Variants in CAB39 observed in about 807,000 individuals in gnomAD.
CAB39 encodes the protein calcium binding protein 39, also known as calcium-binding protein 39.
Under a neutral mutation model 40.0 loss-of-function variants are expected in CAB39, and 8 were observed. The observed-to-expected ratio is 0.20, with a 90% CI of 0.12 to 0.36. The LOEUF (loss-of-function observed/expected upper bound fraction) is 0.36. Among genes scored for constraint, CAB39 ranks in the 10% least tolerant of loss-of-function variants. The pLI, the probability that CAB39 is intolerant of heterozygous loss-of-function variation, is 1.00. For synonymous variants in CAB39, 156 were observed against 141.6 expected (o/e 1.10, Z -0.72); for missense variants, 270 against 401.1 (o/e 0.67, Z 2.79).
rs989950774 is a variant in CAB39 at position 230,819,921 on chromosome 2, T to C, written c.*1217T>C. On this transcript the variant is annotated 3_prime_UTR_variant, in exon 9 of 9. Coordinates refer to ENST00000258418, the MANE Select transcript of CAB39 (RefSeq NM_016289.4). ...TAGACTAAGTAACCCAGTACAATAG[T>C]TGTGAACTGAATAATTAAAACTTTG... The C allele has an allele frequency of 4.6e-5, 7 of 152,648 alleles. No individual in the cohort carries two copies. The highest frequency in any genetic ancestry group is 8.8e-5 in the Non-Finnish European group (6 of 68,034). The allele number at this position is 152,648 out of a possible 1,614,324, so 9.5% of individuals were successfully genotyped here. A position where few individuals can be genotyped will look rare whatever the true frequency, so the allele number is the denominator to read the frequency against.
At chr2:230,813,698 A>G (rs3792064) in intron 6 of CAB39, among the ~76,000 whole-genome samples, 21,929 of 151,912 alleles carry the variant, frequency 0.14, 2,329 homozygotes, top group African/African-American at 0.31. Flanking sequence ...TCAACAAGCA[A>G]AAGTGTGAGG....
chr2:230,754,847 T>C (rs955661836), intron 1 of CAB39, among the ~76,000 whole-genome samples: 1 of 152,126 alleles, frequency 6.6e-6, no homozygotes, highest in African/African-American at 2.4e-5. Flanking sequence ...GCTCGCCCGC[T>C]TCCCCACAAG....
At chr2:230,716,565 T>TA (rs1694353676) in intron 1 of CAB39, among the ~76,000 whole-genome samples, 2 of 152,324 alleles carry the variant, frequency 1.3e-5, no homozygotes, top group Non-Finnish European at 2.9e-5. Flanking sequence ...TTTTTTAATT[T>TA]AAAAAATGTT....
At chr2:230,730,434 A>G (rs900667273) in intron 1 of CAB39, among the ~76,000 whole-genome samples, 3 of 138,760 alleles carry the variant, frequency 2.2e-5, no homozygotes, top group African/African-American at 8.5e-5. Flanking sequence ...ATACATTAGA[A>G]GAAAACTTTT....
intron 1 of CAB39, among the ~76,000 whole-genome samples, chr2:230,720,492 A>G (rs780781908): frequency 4.6e-5 from 7 of 152,076 alleles, no homozygotes; most frequent in South Asian, 4.2e-4. Flanking sequence ...CTGGAGTGCA[A>G]TGGCGTGATC....
chr2:230,729,923 A>G (rs1694657306), intron 1 of CAB39, among the ~76,000 whole-genome samples: 1 of 152,268 alleles, frequency 6.6e-6, no homozygotes, highest in Non-Finnish European at 1.5e-5. Flanking sequence ...AAAACTATAA[A>G]TTTAAGTGAA....
chr2:230,777,352 TG>T (rs1255945881), intron 2 of CAB39, among the ~76,000 whole-genome samples: 1 of 149,434 alleles, frequency 6.7e-6, no homozygotes, highest in Non-Finnish European at 1.5e-5. Flanking sequence ...AACCTGTTGG[TG>T]TTTTTTTTGT....
At chr2:230,803,742 G>T (rs1210210481) in intron 5 of CAB39, among the ~76,000 whole-genome samples, 5 of 152,186 alleles carry the variant, frequency 3.3e-5, no homozygotes, top group African/African-American at 1.2e-4. Flanking sequence ...ACTGCTCAAC[G>T]AAATAGAAGA....
chr2:230,765,725 ACTAG>A (rs1695374302), intron 2 of CAB39, among the ~76,000 whole-genome samples: 1 of 152,118 alleles, frequency 6.6e-6, no homozygotes, highest in Non-Finnish European at 1.5e-5. Context: ...AGGTTGTAAC[ACTAG>A]GGGAATACTA....
intron 1 of CAB39, among the ~76,000 whole-genome samples, chr2:230,741,545 T>G (rs2124890225): frequency 6.6e-6 from 1 of 152,314 alleles, no homozygotes; most frequent in East Asian, 1.9e-4. Context: ...TCACTTTTTT[T>G]GCCTAGGCTG....
chr2:230,776,679 C>T (rs989804643), intron 2 of CAB39, among the ~76,000 whole-genome samples: 1 of 140,304 alleles, frequency 7.1e-6, no homozygotes, highest in African/African-American at 2.8e-5. Flanking sequence ...TGCTCTGTCT[C>T]ACTTCATCCA....
Position 230,731,212 on chromosome 2 carries a change from G to A in CAB39, c.-44+17982G>A, listed in dbSNP as rs530219405. 4.6e-5 allele frequency among the ~76,000 whole-genome samples: 7 copies of A among 152,268 alleles called. No individual in the cohort carries two copies. The East Asian group carries it at 9.6e-4, about 21-fold the overall frequency. On this transcript the variant is annotated intron_variant, in intron 1 of 8. Coordinates refer to ENST00000258418, the MANE Select transcript of CAB39 (RefSeq NM_016289.4). ...TAAAGTAAATGTAAATAAAACAATG[G>A]GGGGTGCTATTAGAGATTTTAACAA...
chr2:230,798,843 A>T lies in CAB39; in HGVS notation c.513A>T (p.Arg171Ser), dbSNP rs1487940100. 14 of 1,609,826 alleles carry T rather than the reference A, an allele frequency of 8.7e-6. 1 individual carries two copies. The highest frequency in any genetic ancestry group is 8.5e-7 in the Non-Finnish European group (1 of 1,177,306). Residue 171 changes from arginine to serine, a missense_variant, in exon 5 of 9, where the codon AGA (arginine) becomes AGT (serine). Arg to Ser is a moderately radical substitution (Grantham distance 110). Transcript: ENST00000258418. ...CGGAACAGTTTTATGATTTCTTCAG[A>T]TATGTCGAAATGTCAACATTTGACA... ...LWSEQFYDFF[R>S]YVEMSTFDIA...
At chr2:230,814,267 T>G (rs534598969) in intron 7 of CAB39, among the ~76,000 whole-genome samples, 153 bp downstream of exon 7, 100 of 151,954 alleles carry the variant, frequency 6.6e-4, no homozygotes, top group African/African-American at 2.4e-3. Context: ...AGGAATGGAG[T>G]TGGACAGTGA....
At chr2:230,816,277 TAAAA>T (rs1340543040) in intron 7 of CAB39, among the ~76,000 whole-genome samples, 2 of 152,080 alleles carry the variant, frequency 1.3e-5, no homozygotes, top group Non-Finnish European at 2.9e-5. Flanking sequence ...TCTCAAAAAA[TAAAA>T]AAAGAATTAC....
intron 1 of CAB39, among the ~76,000 whole-genome samples, chr2:230,725,815 G>A (rs1472972045): frequency 6.6e-6 from 1 of 152,176 alleles, no homozygotes; most frequent in Non-Finnish European, 1.5e-5. Context: ...TCTTTGAGGA[G>A]CTGTGATGAA....
intron 6 of CAB39, 123 bp downstream of exon 6, chr2:230,810,445 G>C (rs1696284266): frequency 2.3e-6 from 1 of 427,762 alleles, no homozygotes; most frequent in African/African-American, 2.1e-5. Context: ...TATAAATGGT[G>C]CCGTAGTTAT....
intron 6 of CAB39, among the ~76,000 whole-genome samples, chr2:230,813,468 C>T (rs974630154): frequency 8.5e-5 from 13 of 152,098 alleles, no homozygotes; most frequent in South Asian, 2.1e-4. Context: ...CCCTCCCATC[C>T]GACAGGTCTG....
At position 230,817,713 on chromosome 2, in the gene CAB39, TAA is replaced by T; in HGVS notation, c.694-40_694-39del. 2.0e-6 allele frequency: 3 copies of T among 1,485,784 alleles called. No homozygotes were observed. In the East Asian group the frequency reaches 6.8e-5, roughly 34 times the overall value. The allele number at this position is 1,485,784 out of a possible 1,614,324, so 92.0% of individuals were successfully genotyped here. On this transcript the variant is annotated intron_variant, in intron 7 of 8. Transcript: ENST00000258418. ...GTTTTTTTAAACTTTGATTTTTCTT[TAA>T]GTTTTAATAACAAGGTAATTGTTTA...
Sources: allele counts gnomAD v4.1 joint callset (sites outside exome capture counted in the v4.1 genomes callset), GRCh38; gene constraint gnomAD v4.1.1; transcripts MANE v1.5; gene names NCBI Gene and HGNC (gene_info 2026-07-23, HGNC 2026-07-21).